Variants in EPHB2 observed in about 807,000 individuals in gnomAD.
EPHB2 encodes the protein ephrin type-B receptor 2.
A neutral mutation model predicts 96.4 loss-of-function variants in EPHB2; 18 were observed. That is an observed-to-expected ratio of 0.19 (90% CI 0.13 to 0.28). The LOEUF (loss-of-function observed/expected upper bound fraction) is 0.28. EPHB2 is among the 10% of genes least tolerant of loss of function. The probability of loss-of-function intolerance (pLI) is 1.00; values close to 1 mark genes in which losing one functional copy is unlikely to be tolerated. For synonymous variants in EPHB2, 506 were observed against 534.1 expected (o/e 0.95, Z 0.72); for missense variants, 989 against 1,355.4 (o/e 0.73, Z 4.25).
In EPHB2 at chr1:22,804,153, C is replaced by T. The variant is rs565604983; in HGVS notation, c.811+19077C>T. Among the ~76,000 whole-genome samples, 91 of 152,282 alleles carry T rather than the reference C, an allele frequency of 6.0e-4. 1 individual carries two copies. The highest frequency in any genetic ancestry group is 2.1e-3 in the African/African-American group (88 of 41,554). ...TGGAACTGCCTTTTACACTCAGGAC[C>T]GCATTAGACCTTTCCCACCATCCCA... is the stretch of plus-strand genomic sequence containing the variant. On this transcript the variant is annotated intron_variant, in intron 3 of 15. Transcript: ENST00000374630.
At chr1:22,719,735 G>A (rs1643392753) in intron 1 of EPHB2, 1 of 152,116 alleles carries the variant, frequency 6.6e-6, no homozygotes, top group Non-Finnish European at 1.5e-5. Flanking sequence ...AGTGATTTTG[G>A]AGGCCTCTTC....
chr1:22,909,019 C>T lies in EPHB2; in HGVS notation c.2353-3C>T, dbSNP rs752808442. 6.2e-7 allele frequency: 1 copy of T among 1,614,172 alleles called. No homozygotes were observed. Among genetic ancestry groups the T allele is most frequent in the South Asian group, 1.1e-5 (1 of 91,074 alleles). On this transcript the variant is annotated splice_region_variant and splice_polypyrimidine_tract_variant and intron_variant, in intron 12 of 15. Transcript: ENST00000374630. ...CACAAACCCTCCTCTTTCTGTCTCC[C>T]AGGGCGGAAAGATCCCCATCCGCTG...
intron 1 of EPHB2, among the ~76,000 whole-genome samples, chr1:22,735,797 C>T (rs578043301): frequency 6.6e-6 from 1 of 152,190 alleles, no homozygotes; most frequent in African/African-American, 2.4e-5. Flanking sequence ...GCACTTGGGA[C>T]GCCCTTGGCA....
chr1:22,863,427 T>C (rs908357083), intron 4 of EPHB2, among the ~76,000 whole-genome samples: 4 of 152,112 alleles, frequency 2.6e-5, no homozygotes, highest in Non-Finnish European at 4.4e-5. Context: ...ACATGGAAGA[T>C]AAAGTCAAGG....
intron 5 of EPHB2, among the ~76,000 whole-genome samples, chr1:22,874,111 A>G (rs1399361713): frequency 6.6e-6 from 1 of 152,120 alleles, no homozygotes; most frequent in Non-Finnish European, 1.5e-5. Flanking sequence ...CGCCACCACT[A>G]TTCCAGAGCA....
chr1:22,862,894 C>T (rs1638316175), intron 3 of EPHB2, 143 bp from the exon 4 acceptor site: 12 of 1,136,502 alleles, frequency 1.1e-5, no homozygotes, highest in Non-Finnish European at 1.6e-5. Context: ...GACTTCAAAC[C>T]CTTCAAGAGA....
chr1:22,808,103 C>T (rs1644952326), intron 3 of EPHB2, among the ~76,000 whole-genome samples: 1 of 150,732 alleles, frequency 6.6e-6, no homozygotes, highest in African/African-American at 2.5e-5. Flanking sequence ...CACTGCACTC[C>T]AGCCTGGCCG....
rs111295386 is a variant in EPHB2 at position 22,836,084 on chromosome 1, G to A, written c.812-26953G>A. The A allele has an allele frequency of 5.3e-5, 8 of 152,290 alleles. 1 individual carries two copies. Among genetic ancestry groups the A allele is most frequent in the Non-Finnish European group, 8.8e-5 (6 of 68,032 alleles). 9.4% of individuals were successfully genotyped at this position (152,290 alleles called of 1,614,324 possible). A position where few individuals can be genotyped will look rare whatever the true frequency, so the allele number is the denominator to read the frequency against. On this transcript the variant is annotated intron_variant, in intron 3 of 15. Transcript: ENST00000374630. ...GCCTGTGCTCCCACCCGGAGCAAGC[G>A]AGACATGAATCACCGGCCCAGGGGC...
intron 1 of EPHB2, among the ~76,000 whole-genome samples, chr1:22,764,697 G>A (rs1463404467): frequency 6.6e-6 from 1 of 151,374 alleles, no homozygotes; most frequent in East Asian, 1.9e-4. Flanking sequence ...AGAAAGCCGA[G>A]ATTGCACCAC....
At chr1:22,897,872 G>T (rs565498052) in intron 9 of EPHB2, among the ~76,000 whole-genome samples, 84 of 152,312 alleles carry the variant, frequency 5.5e-4, no homozygotes, top group Non-Finnish European at 1.1e-3. Context: ...TGCCAAGGCA[G>T]GTGGATCACT....
chr1:22,722,905 A>G (rs1484090066), intron 1 of EPHB2, among the ~76,000 whole-genome samples: 1 of 152,236 alleles, frequency 6.6e-6, no homozygotes, highest in Non-Finnish European at 1.5e-5. Flanking sequence ...AAGAAGCAGC[A>G]AGGCAGCCAT....
intron 3 of EPHB2, among the ~76,000 whole-genome samples, chr1:22,853,986 C>T (rs1252752981): frequency 6.6e-6 from 1 of 152,220 alleles, no homozygotes; most frequent in African/African-American, 2.4e-5. Context: ...TCCACAAAGC[C>T]GGGTCCCAGC....
chr1:22,821,432 T>G (rs1645150875), intron 3 of EPHB2, among the ~76,000 whole-genome samples: 1 of 152,116 alleles, frequency 6.6e-6, no homozygotes, highest in African/African-American at 2.4e-5. Context: ...AAATTTACAG[T>G]GCAGTCTAGT....
intron 8 of EPHB2, among the ~76,000 whole-genome samples, 166 bp from the exon 9 acceptor site, chr1:22,896,248 T>C (rs1274495768): frequency 6.6e-6 from 1 of 151,380 alleles, no homozygotes; most frequent in East Asian, 1.9e-4. Flanking sequence ...GGACTTGAGG[T>C]GGGAGGAGTG....
chr1:22,892,418 A>G (rs1300314839), intron 6 of EPHB2, among the ~76,000 whole-genome samples: 12 of 152,202 alleles, frequency 7.9e-5, no homozygotes, highest in Non-Finnish European at 1.3e-4. Flanking sequence ...ACAAGTGGCT[A>G]TTTTTCTTGA....
chr1:22,741,184 A>C (rs1435227225), intron 1 of EPHB2, among the ~76,000 whole-genome samples: 3 of 151,318 alleles, frequency 2.0e-5, no homozygotes, highest in African/African-American at 7.3e-5. Flanking sequence ...CCCGACCCCT[A>C]TCCTCTGATT....
intron 1 of EPHB2, among the ~76,000 whole-genome samples, chr1:22,742,616 C>G (rs1643917656): frequency 6.6e-6 from 1 of 152,096 alleles, no homozygotes; most frequent in Non-Finnish European, 1.5e-5. Flanking sequence ...AAGCGATCCC[C>G]CCACCTCAGC....
chr1:22,784,328 T>G lies in EPHB2; in HGVS notation c.127-64T>G. The G allele has an allele frequency of 6.5e-7, 1 of 1,530,056 alleles. No homozygotes were observed. The highest frequency in any genetic ancestry group is 9.0e-7 in the Non-Finnish European group (1 of 1,107,626). The allele number at this position is 1,530,056 out of a possible 1,614,324, so 94.8% of individuals were successfully genotyped here. A position where few individuals can be genotyped will look rare whatever the true frequency, so the allele number is the denominator to read the frequency against. ...TAAGGCAGAGTCTGTGTCTTCCACC[T>G]TAGACTGAGTGTGTGCTGGGGCTGA... On this transcript the variant is annotated intron_variant, in intron 2 of 15. Transcript: ENST00000374630. This position sits in a 1 kb window ranked among gnomAD's most constrained non-coding sequence, Gnocchi z 5.1.
rs116524844 is a variant in EPHB2 at position 22,761,469 on chromosome 1, A to G, written c.62-19952A>G. Among the ~76,000 whole-genome samples the G allele has an allele frequency of 5.5e-3, 831 of 152,204 alleles. 14 individuals carry two copies. Among genetic ancestry groups the G allele is most frequent in the African/African-American group, 0.019 (795 of 41,528 alleles). On this transcript the variant is annotated intron_variant, in intron 1 of 15. Transcript: ENST00000374630. ...ATAACAGAGCATCTGGCTGGGAACT[A>G]TTTGGAGAGGGGTGAGAATAAGCAT...
Sources: gnomAD v4.1 joint callset for allele counts (sites outside exome capture counted in the v4.1 genomes callset) on GRCh38, gnomAD v4.1.1 for gene constraint, Gnocchi (gnomAD v3.1) non-coding constraint, MANE v1.5 for transcripts, NCBI Gene and HGNC (gene_info 2026-07-23, HGNC 2026-07-21) for gene names.